The following ERCC8 variants were observed in gnomAD, a reference collection of about 807,000 sequenced individuals.
ERCC8 encodes ERCC excision repair 8, CSA ubiquitin ligase complex subunit.
ERCC8 carries 52 observed loss-of-function variants against 54.9 expected under a neutral mutation model. That is an observed-to-expected ratio of 0.95 (90% CI 0.76 to 1.19). ERCC8 has a LOEUF of 1.19. Ranked by LOEUF, ERCC8 falls within the 50% of genes most tolerant of loss-of-function variation. The pLI, the probability that ERCC8 is intolerant of heterozygous loss-of-function variation, is 0.00. For missense variants in ERCC8, 514 were observed against 466.1 expected (o/e 1.10, Z -0.95); for synonymous variants, 146 against 157.2 (o/e 0.93, Z 0.53).
At chr5:60,921,211 G>A (rs4647078) in intron 3 of ERCC8, among the ~76,000 whole-genome samples, 22,519 of 151,738 alleles carry the variant, frequency 0.15, 2,128 homozygotes, top group South Asian at 0.28. Context: ...TTTCTAATGC[G>A]AAACACCAGA....
chr5:60,904,411 TAGAG>T (rs1360447135), intron 5 of ERCC8, among the ~76,000 whole-genome samples: 1 of 151,734 alleles, frequency 6.6e-6, no homozygotes, highest in Non-Finnish European at 1.5e-5. Flanking sequence ...ATCACAATCT[TAGAG>T]AAAGAAAGAA....
At chr5:60,941,108 G>C (rs1750244479) in intron 1 of ERCC8, among the ~76,000 whole-genome samples, 1 of 152,090 alleles carries the variant, frequency 6.6e-6, no homozygotes, top group Admixed American at 6.6e-5. Flanking sequence ...TTCAGCCTAG[G>C]AGTTCAGGAC....
rs1239745117 is a variant in ERCC8, at chr5:60,898,401, C to T, written c.719-1G>A. ...ACTTTCCCATTATGAGCAGTGTTTG[C>T]TGCAATGAAAAACATAGTTCAGTTT... On this transcript the variant is annotated splice_acceptor_variant, in intron 8 of 11. Coordinates refer to ENST00000676185, the MANE Select transcript of ERCC8 (RefSeq NM_000082.4). LOFTEE classifies it high-confidence loss of function. The T allele has an allele frequency of 1.2e-6, 2 of 1,613,074 alleles. No individual in the cohort carries two copies. The highest frequency in any genetic ancestry group is 1.7e-6 in the Non-Finnish European group (2 of 1,179,442).
chr5:60,908,759 T>A (rs150312684), intron 4 of ERCC8, among the ~76,000 whole-genome samples: 17 of 152,122 alleles, frequency 1.1e-4, no homozygotes, highest in African/African-American at 3.9e-4. Flanking sequence ...AGTGTGCAGC[T>A]GTGGTTGCCC....
At chr5:60,887,177 A>G (rs1748419247) in intron 11 of ERCC8, among the ~76,000 whole-genome samples, 1 of 152,142 alleles carries the variant, frequency 6.6e-6, no homozygotes, top group Non-Finnish European at 1.5e-5. Context: ...AAATGTATTA[A>G]AATAGTCAAA....
chr5:60,925,761 A>C (rs1224881611), intron 2 of ERCC8, among the ~76,000 whole-genome samples: 1 of 152,160 alleles, frequency 6.6e-6, no homozygotes, highest in Non-Finnish European at 1.5e-5. Flanking sequence ...TGCCATTTTT[A>C]GTCTCTTTAT....
At chr5:60,881,355 C>T (rs186133263) in intron 11 of ERCC8, among the ~76,000 whole-genome samples, 35 of 152,262 alleles carry the variant, frequency 2.3e-4, no homozygotes, top group African/African-American at 7.2e-4. Context: ...TCTCCAGCTG[C>T]GTGCTGGGAG....
rs1373621688 is a variant in ERCC8 at position 60,867,847 on chromosome 5, C to A, written c.*6768G>T. Among the ~76,000 whole-genome samples, 2 of 152,160 alleles carry A rather than the reference C, an allele frequency of 1.3e-5. No homozygotes were observed. Among genetic ancestry groups the A allele is most frequent in the African/African-American group, 4.8e-5 (2 of 41,440 alleles). On this transcript the variant is annotated 3_prime_UTR_variant, in exon 12 of 12. Coordinates refer to ENST00000676185, the MANE Select transcript of ERCC8 (RefSeq NM_000082.4). Reference sequence around the variant, plus strand: ...GATGAAATGAACAAAAGAAAACTGGCTTGTGCCAGTCACCTGAGCCAATAA... The same window carrying A: ...GATGAAATGAACAAAAGAAAACTGGATTGTGCCAGTCACCTGAGCCAATAA...
In ERCC8 at chr5:60,930,325, G is replaced by A. The variant is rs557242481; in HGVS notation, c.78-1366C>T. Among the ~76,000 whole-genome samples the A allele has an allele frequency of 2.0e-4, 30 of 152,332 alleles. No homozygotes were observed. The South Asian group carries it at 4.4e-3, about 22-fold the overall frequency. ...TCATGCCTGTTATTCCAGGACTTTG[G>A]GAGGCCGAGGATCACAAGGTTACAA... On this transcript the variant is annotated intron_variant, in intron 1 of 11. Transcript: ENST00000676185.
At chr5:60,894,470 G>C (rs1230688504) in intron 9 of ERCC8, among the ~76,000 whole-genome samples, 1 of 152,112 alleles carries the variant, frequency 6.6e-6, no homozygotes, top group Non-Finnish European at 1.5e-5. Flanking sequence ...TAAAGGCTAA[G>C]TGTAAAAAAG....
intron 11 of ERCC8, among the ~76,000 whole-genome samples, chr5:60,879,622 A>C (rs1748138142): frequency 5.3e-5 from 8 of 152,122 alleles, no homozygotes; most frequent in Non-Finnish European, 1.5e-5. Context: ...ACCATTATGT[A>C]ATGGCCTTGT....
rs1342065046 is a variant in ERCC8, at chr5:60,872,389, T to C, written c.*2226A>G. Among the ~76,000 whole-genome samples, 1 of 151,956 alleles carries C rather than the reference T, an allele frequency of 6.6e-6. No individual in the cohort carries two copies. Among genetic ancestry groups the C allele is most frequent in the Non-Finnish European group, 1.5e-5 (1 of 67,980 alleles). On this transcript the variant is annotated 3_prime_UTR_variant, in exon 12 of 12. Transcript: ENST00000676185. Reference sequence around the variant, plus strand: ...GACAACCTACAGAATGGAGAAAAAATATTAACTATAGATCTGATAGGGGGT... The same window carrying C: ...GACAACCTACAGAATGGAGAAAAAACATTAACTATAGATCTGATAGGGGGT...
chr5:60,890,888 C>A lies in ERCC8; in HGVS notation c.1041+1G>T, dbSNP rs1290416270. On this transcript the variant is annotated splice_donor_variant, in intron 10 of 11. Coordinates refer to ENST00000676185, the MANE Select transcript of ERCC8 (RefSeq NM_000082.4). LOFTEE classifies it high-confidence loss of function. ...ATTTTAAATTCCTGTATCACTCTTA[C>A]CTGGAAATTTGACTGAAATACACAG... 6.2e-7 allele frequency: 1 copy of A among 1,609,664 alleles called. No individual in the cohort carries two copies. Among genetic ancestry groups the A allele is most frequent in the Non-Finnish European group, 8.5e-7 (1 of 1,176,462 alleles).
intron 9 of ERCC8, chr5:60,892,747 C>A: frequency 1.4e-6 from 1 of 696,270 alleles, no homozygotes; most frequent in East Asian, 2.6e-5. Flanking sequence ...GGCCCTGGAA[C>A]AATGGCTGGA....
intron 1 of ERCC8, among the ~76,000 whole-genome samples, chr5:60,933,591 T>C (rs888495016): frequency 1.3e-5 from 2 of 152,190 alleles, no homozygotes; most frequent in Non-Finnish European, 2.9e-5. Context: ...TTTTTATTTA[T>C]CAATAGGTTT....
intron 2 of ERCC8, 25 bp downstream of exon 2, chr5:60,928,839 G>A: frequency 1.6e-6 from 2 of 1,272,360 alleles, no homozygotes; most frequent in Non-Finnish European, 2.3e-6. Flanking sequence ...AAAGAAAAAT[G>A]ATTATACAAG....
intron 1 of ERCC8, among the ~76,000 whole-genome samples, chr5:60,944,202 T>C (rs1561522030): frequency 1.3e-5 from 2 of 152,174 alleles, no homozygotes; most frequent in Non-Finnish European, 2.9e-5. Flanking sequence ...GTTGATTCTA[T>C]TTCTCAGACG....
At chr5:60,886,939 A>T (rs1019024964) in intron 11 of ERCC8, among the ~76,000 whole-genome samples, 6 of 152,048 alleles carry the variant, frequency 3.9e-5, no homozygotes, top group Non-Finnish European at 2.9e-5. Flanking sequence ...ATGACAGAAT[A>T]TCATTAGAAA....
chr5:60,892,528 G>T, intron 9 of ERCC8: 1 of 616,600 alleles, frequency 1.6e-6, no homozygotes. Context: ...TTGGCTGCCT[G>T]CTCCTGACTG....
Sources: allele counts gnomAD v4.1 joint callset (sites outside exome capture counted in the v4.1 genomes callset), GRCh38; gene constraint gnomAD v4.1.1; transcripts MANE v1.5; gene names NCBI Gene and HGNC (gene_info 2026-07-23, HGNC 2026-07-21).